The following PKD1 variants were observed in gnomAD, a reference collection of about 807,000 sequenced individuals.
The protein encoded by PKD1 is polycystin-1.
In PKD1, 81 loss-of-function variants were observed where a neutral mutation model predicts 361.7. The ratio of observed to expected loss-of-function variants is 0.22; its 90% CI spans 0.19 to 0.27. The LOEUF (loss-of-function observed/expected upper bound fraction) is 0.27. PKD1 is among the 10% of genes least tolerant of loss of function. PKD1 has a pLI of 1.00. For missense variants in PKD1, 6,399 were observed against 6,118.3 expected (o/e 1.05, Z -1.53); for synonymous variants, 3,615 against 2,818.3 (o/e 1.28, Z -8.95).
chr16:2,091,392 A>C (rs1433499191), intron 42 of PKD1, 31 bp downstream of exon 42: 1 of 1,052,360 alleles, frequency 9.5e-7, no homozygotes, highest in African/African-American at 2.7e-5. Context: ...TGCCGGTGGG[A>C]GGCGCGGGGT....
In PKD1 at chr16:2,102,817, G is replaced by A. The variant is rs1407972934; in HGVS notation, c.8945C>T (p.Pro2982Leu). The change falls in exon 24 of 46, where the codon CCG (proline) becomes CTG (leucine). Residue 2982 changes from proline to leucine, a missense_variant. Coordinates refer to ENST00000262304, the MANE Select transcript of PKD1 (RefSeq NM_001009944.3). ...DHRPYTFFIS[P>L]GSRDPAGSYH... ...CAGGCTGGCCCGCAGAGCTCACCCC[G>A]GGGAAATGAAGAAGGTGTAGGGCCG... The A allele has an allele frequency of 5.6e-6, 9 of 1,609,904 alleles. No individual in the cohort carries two copies. The highest frequency in any genetic ancestry group is 2.3e-4 in the Middle Eastern group (1 of 4,430).
chr16:2,094,281 C>A, intron 34 of PKD1, 71 bp from the exon 35 acceptor site: 1 of 978,294 alleles, frequency 1.0e-6, no homozygotes, highest in Non-Finnish European at 1.6e-6. Context: ...CCATGTTAAC[C>A]TGGGCGGGCA....
rs1319712458 is a variant in PKD1, at chr16:2,091,402, T to G, written c.11712+21A>C. The G allele has an allele frequency of 3.6e-6, 4 of 1,110,522 alleles. No individual in the cohort carries two copies. The African/African-American group carries it at 7.1e-5, about 20-fold the overall frequency. The allele number at this position is 1,110,522 out of a possible 1,614,324, so 68.8% of individuals were successfully genotyped here. A position where few individuals can be genotyped will look rare whatever the true frequency, so the allele number is the denominator to read the frequency against. On this transcript the variant is annotated intron_variant, in intron 42 of 45. Coordinates refer to ENST00000262304, the MANE Select transcript of PKD1 (RefSeq NM_001009944.3). ...GACGCTGCCGGTGGGAGGCGCGGGG[T>G]CTGGCCGGGGACGGGCGTACCGAGG...
rs759298482 is a variant in PKD1 at position 2,094,003 on chromosome 16, C to A, written c.10629G>T (p.Glu3543Asp). 1.9e-6 allele frequency: 3 copies of A among 1,589,046 alleles called. No individual in the cohort carries two copies. The Admixed American group carries it at 5.2e-5, about 28-fold the overall frequency. Residue 3543 changes from glutamate to aspartate, a missense_variant, in exon 36 of 46, where the codon GAG becomes GAT. Transcript: ENST00000262304. The part of the protein sequence containing the change: ...AARLSRTGLV[E>D]GLRKRLLPAW... ...CCGGCAGCAGGCGCTTCCGCAGACC[C>A]TCCACCAGTCCTGGGGAAGCAGAGA...
intron 1 of PKD1, among the ~76,000 whole-genome samples, chr16:2,120,827 G>T (rs534812389): frequency 5.9e-5 from 9 of 152,308 alleles, no homozygotes; most frequent in African/African-American, 1.9e-4. Flanking sequence ...GACCATCCTG[G>T]CCAACAGGGT....
rs2091884870 is a variant in PKD1 at position 2,097,228 on chromosome 16, G to A, written c.10419C>T (p.Ile3473=). Residue 3473 remains isoleucine, a synonymous_variant, in exon 34 of 46, where the codon ATC becomes ATT. Transcript: ENST00000262304. The stretch of plus-strand genomic sequence containing the variant: ...TGACCCCCTCGGCAAGGACCTGCTG[G>A]ATCAGGTCTTCATCTAGAGGTACAG... ...KSFSASDEDL[I]QQVLAEGVSS... 3 of 1,582,516 alleles carry A rather than the reference G, an allele frequency of 1.9e-6. No homozygotes were observed. Among genetic ancestry groups the A allele is most frequent in the Non-Finnish European group, 2.6e-6 (3 of 1,164,184 alleles).
At chr16:2,099,082 T>C in intron 30 of PKD1, 1 of 220,666 alleles carries the variant, frequency 4.5e-6, no homozygotes, top group Non-Finnish European at 9.1e-6. Flanking sequence ...TCTGCCCGCC[T>C]CGGCCTCCCA....
intron 1 of PKD1, 186 bp downstream of exon 1, chr16:2,135,289 G>A (rs1596636101): frequency 2.0e-6 from 2 of 985,160 alleles, no homozygotes; most frequent in Non-Finnish European, 2.4e-6. Flanking sequence ...GGGGTTTTTC[G>A]GCTCCCCGGG....
rs778210994 is a variant in PKD1, at chr16:2,108,351, C to G, written c.6816G>C (p.Arg2272=). 9 of 1,609,374 alleles carry G rather than the reference C, an allele frequency of 5.6e-6. No individual in the cohort carries two copies. The highest frequency in any genetic ancestry group is 2.2e-4 in the Middle Eastern group (1 of 4,450). ...GGSYRVWSDT[R]DLVLDGSESY... is the part of the protein sequence containing the mutation. ...ACTCGCTCCCATCCAGCACCAGGTCCCGTGTGTCTGACCACACGCGGTATG... is the reference window on the plus strand; with the variant it reads ...ACTCGCTCCCATCCAGCACCAGGTCGCGTGTGTCTGACCACACGCGGTATG... Residue 2272 remains arginine (R), a synonymous_variant, in exon 15 of 46, where the codon CGG becomes CGC. Coordinates refer to ENST00000262304, the MANE Select transcript of PKD1 (RefSeq NM_001009944.3).
At position 2,089,471 on chromosome 16, in the gene PKD1, T is replaced by C. The variant is rs2091350195; in HGVS notation, c.*256A>G. On this transcript the variant is annotated 3_prime_UTR_variant, in exon 46 of 46. Coordinates refer to ENST00000262304, the MANE Select transcript of PKD1 (RefSeq NM_001009944.3). ...TACCTGAGGACTCGGGGAAATAAAT[T>C]AGCATCTCAGAGGCTAGAAACCGTC... 7 of 553,982 alleles carry C rather than the reference T, an allele frequency of 1.3e-5. No individual in the cohort carries two copies. Among genetic ancestry groups the C allele is most frequent in the Non-Finnish European group, 1.9e-5 (6 of 310,628 alleles). 34.3% of individuals were successfully genotyped at this position (553,982 alleles called of 1,614,324 possible).
Position 2,089,913 on chromosome 16 carries a change from C to T in PKD1, c.12726G>A (p.Gln4242=). The T allele has an allele frequency of 6.2e-7, 1 of 1,611,894 alleles. No individual in the cohort carries two copies. Among genetic ancestry groups the T allele is most frequent in the Middle Eastern group, 1.7e-4 (1 of 6,056 alleles). ...TCCTGCGGCCTTGCAGGCTGTGCAG[C>T]TGCTGCTCCAGCTGGTAGACGTCCT... ...ATEDVYQLEQ[Q]LHSLQGRRSS... The change falls in exon 46 of 46, where the codon CAG becomes CAA. Residue 4242 remains glutamine (Q), a synonymous_variant. Transcript: ENST00000262304.
At position 2,111,189 on chromosome 16, in the gene PKD1, G is replaced by A. The variant is rs752712528; in HGVS notation, c.3978C>T (p.Phe1326=). The stretch of plus-strand genomic sequence containing the variant: ...AGGAGCCATCCCCGAAGGTCCAGTC[G>A]AAGAGGTAGTGGGCCGGGTTCCCGG... The part of the protein sequence containing the change: ...YVTGNPAHYL[F]DWTFGDGSSN... Residue 1326 remains phenylalanine, a synonymous_variant, in exon 15 of 46, where the codon TTC becomes TTT. Transcript: ENST00000262304. The A allele has an allele frequency of 2.0e-5, 33 of 1,611,346 alleles. No homozygotes were observed. The Admixed American group carries it at 3.2e-4, about 15-fold the overall frequency.
rs1257855365 is a variant in PKD1 at position 2,118,084 on chromosome 16, G to A, written c.908C>T (p.Thr303Ile). 4 of 1,607,080 alleles carry A rather than the reference G, an allele frequency of 2.5e-6. No individual in the cohort carries two copies. Among genetic ancestry groups the A allele is most frequent in the African/African-American group, 1.3e-5 (1 of 74,968 alleles). The change falls in exon 5 of 46, where the codon ACA (threonine) becomes ATA (isoleucine). Residue 303 changes from threonine (T) to isoleucine (I), a missense_variant. Transcript: ENST00000262304. This position sits in a 1 kb window ranked among gnomAD's most constrained non-coding sequence, Gnocchi z 6.0. ...GGAGCCGTCTCCGAAGTCCCAGCGT[G>A]TGGCAGTGACAGGGAGCGGGGCAGC... ...HIAAPLPVTA[T>I]RWDFGDGSAE...
intron 34 of PKD1, among the ~76,000 whole-genome samples, chr16:2,096,484 G>A (rs2091853428): frequency 6.6e-6 from 1 of 152,248 alleles, no homozygotes; most frequent in African/African-American, 2.4e-5. Flanking sequence ...ATGACCATTT[G>A]TTGATAAGTT....
chr16:2,122,584 C>G (rs2092738964), intron 1 of PKD1, among the ~76,000 whole-genome samples: 1 of 152,216 alleles, frequency 6.6e-6, no homozygotes. Context: ...GCTGGGAGAC[C>G]AGCAAGAGGC....
At chr16:2,130,302 G>C (rs1433860745) in intron 1 of PKD1, among the ~76,000 whole-genome samples, 3 of 152,116 alleles carry the variant, frequency 2.0e-5, no homozygotes, top group African/African-American at 7.2e-5. Context: ...GCCTCTCCTA[G>C]GCTCTCCTGA....
rs767488167 is a variant in PKD1, at chr16:2,110,859, T to C, written c.4308A>G (p.Arg1436=). The change falls in exon 15 of 46, where the codon CGA becomes CGG. Residue 1436 remains arginine, a synonymous_variant. Coordinates refer to ENST00000262304, the MANE Select transcript of PKD1 (RefSeq NM_001009944.3). The part of the protein sequence containing the change: ...ARGPEVTFIY[R]DPGSYLVTVT... ...CTGTCACAAGATAGGAGCCTGGGTCTCGGTAGATGAACGTCACCTCAGGGC... is the reference window on the plus strand; with the variant it reads ...CTGTCACAAGATAGGAGCCTGGGTCCCGGTAGATGAACGTCACCTCAGGGC... 25 of 1,611,716 alleles carry C rather than the reference T, an allele frequency of 1.6e-5. No homozygotes were observed. In the East Asian group the frequency reaches 5.6e-4, roughly 36 times the overall value.
intron 34 of PKD1, among the ~76,000 whole-genome samples, chr16:2,095,785 G>A (rs2091821199): frequency 6.6e-6 from 1 of 152,236 alleles, no homozygotes; most frequent in African/African-American, 2.4e-5. Context: ...GCTCTGTGTG[G>A]ATGCGGAGTC....
chr16:2,106,840 G>A lies in PKD1; in HGVS notation c.7174C>T (p.Arg2392Cys), dbSNP rs767468402. ...SRSSYVYLEG[R>C]CLNCSSGSKR... ...GAGCCGCTGCTGCAATTGAGGCAGC[G>A]GCCCTCCAAGTACACGTAGGAGCTG... Residue 2392 changes from arginine (R) to cysteine (C), a missense_variant, in exon 17 of 46, where the codon CGC becomes TGC. Coordinates refer to ENST00000262304, the MANE Select transcript of PKD1 (RefSeq NM_001009944.3). This position sits in a 1 kb window ranked among gnomAD's most constrained non-coding sequence, Gnocchi z 6.5. 25 of 1,550,492 alleles carry A rather than the reference G, an allele frequency of 1.6e-5. No individual in the cohort carries two copies. The highest frequency in any genetic ancestry group is 7.8e-5 in the South Asian group (7 of 90,260).
Sources: gnomAD v4.1 joint callset for allele counts (sites outside exome capture counted in the v4.1 genomes callset) on GRCh38, gnomAD v4.1.1 for gene constraint, Gnocchi (gnomAD v3.1) non-coding constraint, MANE v1.5 for transcripts, NCBI Gene and HGNC (gene_info 2026-07-23, HGNC 2026-07-21) for gene names.